The following CTNNA3 variants were observed in gnomAD, a reference collection of about 807,000 sequenced individuals.
CTNNA3 encodes the protein catenin alpha-3.
A neutral mutation model predicts 95.7 loss-of-function variants in CTNNA3; 76 were observed. The observed-to-expected ratio is 0.79, with a 90% CI of 0.66 to 0.96. The LOEUF (loss-of-function observed/expected upper bound fraction) is 0.96. Among genes scored for constraint, CTNNA3 ranks in the 40% least tolerant of loss-of-function variants. The pLI, the probability that CTNNA3 is intolerant of heterozygous loss-of-function variation, is 0.00. For synonymous variants in CTNNA3, 431 were observed against 374.4 expected, an observed-to-expected ratio of 1.15 and a Z score of -1.74; for missense variants, 1,191 against 1,089.8, an observed-to-expected ratio of 1.09 and a Z score of -1.31.
At chr10:67,246,423 G>A (rs1865911728) in intron 5 of CTNNA3, among the ~76,000 whole-genome samples, 1 of 152,092 alleles carries the variant, frequency 6.6e-6, no homozygotes, top group Non-Finnish European at 1.5e-5. Context: ...GCTGGAATGT[G>A]GACAACCCCA....
At chr10:66,712,873 A>G (rs952187478) in intron 9 of CTNNA3, among the ~76,000 whole-genome samples, 2 of 152,196 alleles carry the variant, frequency 1.3e-5, no homozygotes, top group African/African-American at 4.8e-5. Flanking sequence ...TCTACATGAC[A>G]GTAACAACTG....
chr10:66,358,964 T>C (rs573673500), intron 12 of CTNNA3, among the ~76,000 whole-genome samples: 3 of 152,314 alleles, frequency 2.0e-5, no homozygotes, highest in African/African-American at 7.2e-5. Flanking sequence ...TCCTGCCTTG[T>C]TTTATAAAAG....
chr10:65,995,888 G>A (rs2078646229), intron 15 of CTNNA3, among the ~76,000 whole-genome samples: 2 of 152,144 alleles, frequency 1.3e-5, no homozygotes, highest in Non-Finnish European at 2.9e-5. Flanking sequence ...CCCAGGCATG[G>A]GTGATGTTGC....
At chr10:66,661,453 A>G (rs1282465682) in intron 9 of CTNNA3, among the ~76,000 whole-genome samples, 1 of 152,120 alleles carries the variant, frequency 6.6e-6, no homozygotes, top group East Asian at 1.9e-4. Flanking sequence ...GGGAGATACA[A>G]TTCAAGCTGA....
At chr10:66,697,919 T>A (rs1238647860) in intron 9 of CTNNA3, among the ~76,000 whole-genome samples, 1 of 152,108 alleles carries the variant, frequency 6.6e-6, no homozygotes, top group Non-Finnish European at 1.5e-5. Flanking sequence ...CAAAACAATG[T>A]TTTCATCTCC....
At chr10:66,191,840 C>T (rs762759836) in intron 13 of CTNNA3, among the ~76,000 whole-genome samples, 1 of 152,114 alleles carries the variant, frequency 6.6e-6, no homozygotes, top group African/African-American at 2.4e-5. Flanking sequence ...CCCAATGCAA[C>T]AGTGTTGAGA....
chr10:66,546,639 A>T (rs1418721881), intron 10 of CTNNA3, among the ~76,000 whole-genome samples: 1 of 152,170 alleles, frequency 6.6e-6, no homozygotes, highest in Non-Finnish European at 1.5e-5. Context: ...GATGTGAGTA[A>T]GTGAAAGCAG....
At chr10:67,132,334 G>A (rs1860056623) in intron 7 of CTNNA3, among the ~76,000 whole-genome samples, 1 of 152,088 alleles carries the variant, frequency 6.6e-6, no homozygotes, top group Non-Finnish European at 1.5e-5. Flanking sequence ...AAATCTAAGA[G>A]TCGGTAGGTT....
intron 7 of CTNNA3, among the ~76,000 whole-genome samples, chr10:66,883,436 A>G (rs149921866): frequency 1.4e-3 from 220 of 152,266 alleles, no homozygotes; most frequent in African/African-American, 5.1e-3. Context: ...CAAGGTCACC[A>G]GAAGTCCCAG....
chr10:67,665,087 G>T (rs1450756547), intron 1 of CTNNA3, among the ~76,000 whole-genome samples: 1 of 152,184 alleles, frequency 6.6e-6, no homozygotes, highest in Non-Finnish European at 1.5e-5. Context: ...TAATAGCTCA[G>T]TTACAGAGTA....
chr10:66,817,053 T>C (rs1345485947), intron 7 of CTNNA3, among the ~76,000 whole-genome samples: 1 of 151,988 alleles, frequency 6.6e-6, no homozygotes, highest in Non-Finnish European at 1.5e-5. Flanking sequence ...TAACTGTAAA[T>C]GCTTATGTTA....
intron 1 of CTNNA3, among the ~76,000 whole-genome samples, chr10:67,759,646 T>A (rs1213904933): frequency 6.6e-6 from 1 of 152,194 alleles, no homozygotes; most frequent in African/African-American, 2.4e-5. Flanking sequence ...CTTGTGAATA[T>A]AATAGAATAA....
intron 15 of CTNNA3, among the ~76,000 whole-genome samples, chr10:66,053,187 T>C (rs563697456): frequency 6.6e-6 from 1 of 151,336 alleles, no homozygotes; most frequent in African/African-American, 2.4e-5. Context: ...AGATCACCTT[T>C]TTCTATAAAA....
chr10:66,720,950 A>G (rs1324763301), intron 9 of CTNNA3, among the ~76,000 whole-genome samples: 1 of 152,218 alleles, frequency 6.6e-6, no homozygotes, highest in East Asian at 1.9e-4. Context: ...TTCCTACTCC[A>G]GTCCAACAGC....
chr10:66,847,673 C>T (rs2132370410), intron 7 of CTNNA3, among the ~76,000 whole-genome samples: 1 of 152,110 alleles, frequency 6.6e-6, no homozygotes, highest in African/African-American at 2.4e-5. Context: ...TTAAAATTTT[C>T]TTATTTATTT....
At chr10:66,077,482 C>T (rs1268456236) in intron 14 of CTNNA3, among the ~76,000 whole-genome samples, 1 of 151,768 alleles carries the variant, frequency 6.6e-6, no homozygotes, top group Non-Finnish European at 1.5e-5. Flanking sequence ...ATGCTGGATT[C>T]TCTGGGCCTG....
chr10:67,608,663 C>T (rs1843355849), intron 2 of CTNNA3, among the ~76,000 whole-genome samples: 1 of 151,572 alleles, frequency 6.6e-6, no homozygotes, highest in South Asian at 2.1e-4. Flanking sequence ...TTTAATAAAG[C>T]TTGGGGAAAA....
In CTNNA3 at chr10:66,913,238, CAAAAAAAAA is replaced by C. The variant is rs1161880781; in HGVS notation, c.1048-137723_1048-137715del. Among the ~76,000 whole-genome samples, 37 of 33,536 alleles carry C rather than the reference CAAAAAAAAA, an allele frequency of 1.1e-3. 1 individual carries two copies. The highest frequency in any genetic ancestry group is 3.6e-3 in the Admixed American group (6 of 1,674). The allele number at this position is 33,536 out of a possible 152,430, so 22.0% of individuals were successfully genotyped here. ...TGGGCGAAAGAGCGAGACTCCGTCTCAAAAAAAAAAAAAAAAAAAAAAAAAAAGAAAAAG... is the reference window on the plus strand; with the variant it reads ...TGGGCGAAAGAGCGAGACTCCGTCTCAAAAAAAAAAAAAAAAAAGAAAAAG... On this transcript the variant is annotated intron_variant, in intron 7 of 17. Coordinates refer to ENST00000433211, the MANE Select transcript of CTNNA3 (RefSeq NM_013266.4).
chr10:67,052,339 TCTCTCTCTC>T (rs1855157368), intron 7 of CTNNA3, among the ~76,000 whole-genome samples: 4 of 151,672 alleles, frequency 2.6e-5, no homozygotes, highest in Admixed American at 6.6e-5. Context: ...TCTCTCTCTC[TCTCTCTCTC>T]TCTCTCATTA....
Sources: allele counts gnomAD v4.1 joint callset (sites outside exome capture counted in the v4.1 genomes callset), GRCh38; gene constraint gnomAD v4.1.1; transcripts MANE v1.5; gene names NCBI Gene and HGNC (gene_info 2026-07-23, HGNC 2026-07-21).